AGMO: variants seen among roughly 807,000 people sequenced by gnomAD.
The protein encoded by AGMO is alkylglycerol monooxygenase.
A neutral mutation model predicts 60.2 loss-of-function variants in AGMO; 75 were observed. The observed-to-expected ratio is 1.25, with a 90% CI of 1.03 to 1.51. The LOEUF is 1.51. Among genes scored for constraint, AGMO ranks in the 40% most tolerant of loss-of-function variants. The probability of loss-of-function intolerance (pLI) is 0.00; values close to 1 mark genes in which losing one functional copy is unlikely to be tolerated. For missense variants in AGMO, 763 were observed against 525.5 expected, an observed-to-expected ratio of 1.45 and a Z score of -4.42; for synonymous variants, 261 against 177.1, an observed-to-expected ratio of 1.47 and a Z score of -3.76.
In AGMO at chr7:15,560,285, T is replaced by C; in HGVS notation, c.127-14A>G. The C allele has an allele frequency of 2.5e-6, 4 of 1,610,706 alleles. No homozygotes were observed. Among genetic ancestry groups the C allele is most frequent in the Non-Finnish European group, 3.4e-6 (4 of 1,177,824 alleles). On this transcript the variant is annotated splice_polypyrimidine_tract_variant and intron_variant, in intron 1 of 12. Coordinates refer to ENST00000342526, the MANE Select transcript of AGMO (RefSeq NM_001004320.2). ...AAATGGAGTTGCCTGGAAAGGAAGT[T>C]GCAGAAAAGAGATGCTATTATGTTC...
At chr7:15,261,481 A>C (rs1473481062) in intron 12 of AGMO, among the ~76,000 whole-genome samples, 1 of 152,078 alleles carries the variant, frequency 6.6e-6, no homozygotes. Flanking sequence ...ACCGACCAAT[A>C]ACAAGCAGTG....
At chr7:15,363,213 T>C (rs1390445758) in intron 12 of AGMO, among the ~76,000 whole-genome samples, 41 of 152,166 alleles carry the variant, frequency 2.7e-4, no homozygotes, top group Admixed American at 2.7e-3. Flanking sequence ...AGCACTGACT[T>C]TTCCTTCAAC....
At chr7:15,366,297 A>G in intron 10 of AGMO, 75 bp from the exon 11 acceptor site, 2 of 1,065,132 alleles carry the variant, frequency 1.9e-6, no homozygotes, top group Middle Eastern at 2.0e-4. Flanking sequence ...TAAAGCTTAC[A>G]AAACAGCCCA....
chr7:15,160,955 A>G, the AGMO span, among the ~76,000 whole-genome samples: 1 of 152,186 alleles, frequency 6.6e-6, no homozygotes, highest in African/African-American at 2.4e-5. Flanking sequence ...TTCATGCTAC[A>G]TCATCTCATG....
chr7:15,399,184 A>G (rs1175014705), intron 5 of AGMO, among the ~76,000 whole-genome samples: 1 of 152,140 alleles, frequency 6.6e-6, no homozygotes, highest in Non-Finnish European at 1.5e-5. Flanking sequence ...TTACAACTTG[A>G]GAACTATGGA....
the AGMO span, among the ~76,000 whole-genome samples, chr7:15,121,190 A>T: frequency 6.6e-6 from 1 of 152,116 alleles, no homozygotes. Flanking sequence ...CATGCTGTAT[A>T]TGTGCCACAT....
intron 12 of AGMO, among the ~76,000 whole-genome samples, chr7:15,340,817 G>A (rs1012270123): frequency 6.6e-6 from 1 of 152,158 alleles, no homozygotes; most frequent in Admixed American, 6.5e-5. Flanking sequence ...GAAATGTGGG[G>A]TTGGTGCCCC....
chr7:15,388,452 C>T (rs776888455), intron 8 of AGMO, among the ~76,000 whole-genome samples: 11 of 151,964 alleles, frequency 7.2e-5, no homozygotes, highest in African/African-American at 1.7e-4. Flanking sequence ...AACCAATGTG[C>T]GTAGAAGTTA....
the AGMO span, among the ~76,000 whole-genome samples, chr7:15,179,253 T>C: frequency 6.6e-6 from 1 of 151,972 alleles, no homozygotes; most frequent in Non-Finnish European, 1.5e-5. Flanking sequence ...AACCCCAAAG[T>C]CCATAGTCCA....
chr7:15,251,521 T>C (rs1563055225), intron 12 of AGMO, among the ~76,000 whole-genome samples: 1 of 152,182 alleles, frequency 6.6e-6, no homozygotes, highest in Admixed American at 6.5e-5. Context: ...GAAACAAAAC[T>C]GTCAGAAGTC....
At chr7:15,241,499 GAC>G (rs1387742778) in intron 12 of AGMO, among the ~76,000 whole-genome samples, 1 of 128,584 alleles carries the variant, frequency 7.8e-6, no homozygotes, top group African/African-American at 2.9e-5. Context: ...GACTAGGGAA[GAC>G]ACAGAGTAGA....
chr7:15,386,041 C>T (rs879441493), intron 9 of AGMO, among the ~76,000 whole-genome samples: 2 of 151,954 alleles, frequency 1.3e-5, no homozygotes, highest in Non-Finnish European at 2.9e-5. Context: ...ATTAGCTGGG[C>T]ATGGTGGCAC....
At chr7:15,152,910 G>A in the AGMO span, among the ~76,000 whole-genome samples, 3 of 152,116 alleles carry the variant, frequency 2.0e-5, no homozygotes, top group African/African-American at 4.8e-5. Flanking sequence ...GTACTTTAAG[G>A]AGTCTCCACA....
chr7:15,177,257 A>G, the AGMO span, among the ~76,000 whole-genome samples: 1 of 152,118 alleles, frequency 6.6e-6, no homozygotes, highest in African/African-American at 2.4e-5. Flanking sequence ...GAAAAAGTAT[A>G]TTAGGTAATG....
At chr7:15,272,358 C>G (rs1783641481) in intron 12 of AGMO, among the ~76,000 whole-genome samples, 1 of 149,448 alleles carries the variant, frequency 6.7e-6, no homozygotes, top group African/African-American at 2.5e-5. Context: ...CAATTCCCAC[C>G]TATGAGTGAG....
At chr7:15,469,307 G>A (rs1782376498) in intron 3 of AGMO, among the ~76,000 whole-genome samples, 1 of 151,908 alleles carries the variant, frequency 6.6e-6, no homozygotes, top group South Asian at 2.1e-4. Context: ...TTGTTTTAAT[G>A]TATTACAGCT....
chr7:15,268,017 T>C (rs1321833828), intron 12 of AGMO, among the ~76,000 whole-genome samples: 1 of 151,936 alleles, frequency 6.6e-6, no homozygotes, highest in Admixed American at 6.6e-5. Flanking sequence ...ACAACTATTG[T>C]GGGTGCCAAA....
At chr7:15,387,624 G>T in intron 8 of AGMO, 84 bp from the exon 9 acceptor site, 2 of 1,267,306 alleles carry the variant, frequency 1.6e-6, no homozygotes, top group Non-Finnish European at 2.1e-6. Context: ...TTATTTTATT[G>T]TTCAAGGTAA....
intron 3 of AGMO, among the ~76,000 whole-genome samples, chr7:15,501,425 C>T (rs887545766): frequency 1.8e-4 from 27 of 151,430 alleles, no homozygotes; most frequent in Non-Finnish European, 3.8e-4. Context: ...ATAATGAGGA[C>T]CTTGGGATAT....
Sources: gnomAD v4.1 joint callset for allele counts (sites outside exome capture counted in the v4.1 genomes callset) on GRCh38, gnomAD v4.1.1 for gene constraint, MANE v1.5 for transcripts, NCBI Gene and HGNC (gene_info 2026-07-23, HGNC 2026-07-21) for gene names.